SYNE2: variants seen among roughly 807,000 people sequenced by gnomAD.
The protein encoded by SYNE2 is spectrin repeat containing nuclear envelope protein 2, also known as nesprin-2.
Under a neutral mutation model 856.3 loss-of-function variants are expected in SYNE2, and 431 were observed. That is an observed-to-expected ratio of 0.50 (90% CI 0.47 to 0.55). The LOEUF (loss-of-function observed/expected upper bound fraction) is 0.55. Ranked by LOEUF, SYNE2 falls within the 20% of genes least tolerant of loss-of-function variation. SYNE2 has a pLI of 0.00. For missense variants in SYNE2, 8,129 were observed against 8,023.2 expected (o/e 1.01, Z -0.50); for synonymous variants, 2,923 against 2,872.3 (o/e 1.02, Z -0.56).
At chr14:63,882,724 AC>A (rs2094893706) in intron 1 of SYNE2, among the ~76,000 whole-genome samples, 1 of 152,186 alleles carries the variant, frequency 6.6e-6, no homozygotes, top group African/African-American at 2.4e-5. Context: ...AAACAAACAA[AC>A]AAAAACAAAA....
At chr14:64,022,126 G>C (rs950451444) in intron 37 of SYNE2, 98 bp downstream of exon 37, 5 of 1,150,898 alleles carry the variant, frequency 4.3e-6, no homozygotes, top group Non-Finnish European at 6.5e-6. Context: ...CTTAGAGATG[G>C]TTTGCACAGA....
intron 49 of SYNE2, among the ~76,000 whole-genome samples, chr14:64,056,915 A>G (rs552441949): frequency 2.9e-4 from 44 of 152,090 alleles, no homozygotes; most frequent in African/African-American, 8.9e-4. Context: ...TACTTTTACT[A>G]TGTGTTTGTG....
intron 1 of SYNE2, among the ~76,000 whole-genome samples, chr14:63,819,239 C>CTT (rs200434047): frequency 2.0e-5 from 3 of 150,754 alleles, no homozygotes; most frequent in African/African-American, 7.3e-5. Context: ...CTTTTCTTTT[C>CTT]TTTTTTTTTG....
intron 1 of SYNE2, among the ~76,000 whole-genome samples, chr14:63,859,898 CCTTTCTCTCTTTT>C (rs1292234898): frequency 1.3e-5 from 2 of 152,066 alleles, no homozygotes; most frequent in Admixed American, 6.6e-5. Context: ...TTTCCTCCCT[CCTTTCTCTCTTTT>C]CTTTCTCTCT....
chr14:64,004,224 C>T (rs1205909443), intron 30 of SYNE2, among the ~76,000 whole-genome samples: 1 of 142,476 alleles, frequency 7.0e-6, no homozygotes, highest in Non-Finnish European at 1.5e-5. Flanking sequence ...TTAGTAGAGA[C>T]GGGTTTTCAC....
chr14:64,116,564 T>C (rs1181719080), intron 66 of SYNE2, among the ~76,000 whole-genome samples: 2 of 152,140 alleles, frequency 1.3e-5, no homozygotes, highest in Non-Finnish European at 2.9e-5. Flanking sequence ...ATTACAGGCA[T>C]GCACCACAGC....
chr14:63,763,097 A>G (rs1886549516), intron 1 of SYNE2, among the ~76,000 whole-genome samples: 1 of 151,962 alleles, frequency 6.6e-6, no homozygotes. Flanking sequence ...CCTCTCCAGT[A>G]GCTGGGACTA....
At chr14:63,954,631 C>T (rs187906577) in intron 7 of SYNE2, 88 bp from the exon 8 acceptor site, 426 of 1,267,662 alleles carry the variant, frequency 3.4e-4, no homozygotes, top group Middle Eastern at 7.5e-4. Context: ...ACTTGATTTG[C>T]CAAATTTTAA....
chr14:64,021,782 AT>A, intron 36 of SYNE2, 74 bp from the exon 37 acceptor site: 1 of 1,507,480 alleles, frequency 6.6e-7, no homozygotes, highest in African/African-American at 1.4e-5. Context: ...TTACAAAACA[AT>A]TGAGATCTAA....
At position 63,990,518 on chromosome 14, in the gene SYNE2, T is replaced by A. The variant is rs370235494; in HGVS notation, c.2421T>A (p.Val807=). 3 of 1,613,814 alleles carry A rather than the reference T, an allele frequency of 1.9e-6. No homozygotes were observed. The highest frequency in any genetic ancestry group is 2.5e-6 in the Non-Finnish European group (3 of 1,179,944). Reference sequence around the variant, plus strand: ...CAAGCCAGGAGTCCTTTCAACATGTTCTCACAACTGGGCTTCAGGCAAAGA... The same window carrying A: ...CAAGCCAGGAGTCCTTTCAACATGTACTCACAACTGGGCTTCAGGCAAAGA... ...NISSQESFQH[V]LTTGLQAKIQ... is the part of the protein sequence containing the mutation. Residue 807 remains valine, a synonymous_variant, in exon 20 of 116, where the codon GTT becomes GTA. Coordinates refer to ENST00000555002, the MANE Select transcript of SYNE2 (RefSeq NM_182914.3).
chr14:64,209,039 C>T, intron 101 of SYNE2, 94 bp downstream of exon 101: 1 of 1,473,196 alleles, frequency 6.8e-7, no homozygotes, highest in Non-Finnish European at 9.2e-7. Flanking sequence ...CTGTTCATTT[C>T]ACTTAGAAAT....
In SYNE2 at chr14:64,190,143, A is replaced by G; in HGVS notation, c.17944A>G (p.Lys5982Glu). 1 of 1,614,114 alleles carries G rather than the reference A, an allele frequency of 6.2e-7. No individual in the cohort carries two copies. The highest frequency in any genetic ancestry group is 8.5e-7 in the Non-Finnish European group (1 of 1,180,008). Residue 5982 changes from lysine (K) to glutamate (E), a missense_variant, in exon 99 of 116, where the codon AAG becomes GAG. By Grantham distance (56) the Lys-to-Glu change is moderately conservative. Coordinates refer to ENST00000555002, the MANE Select transcript of SYNE2 (RefSeq NM_182914.3). The part of the protein sequence containing the change: ...QLKQMGDQLI[K>E]ASNKSRAAEI... ...AAAGCAGATGGGTGACCAGTTGATCAAGGCCAGCAACAAATCAAGAGCAGC... is the reference window on the plus strand; with the variant it reads ...AAAGCAGATGGGTGACCAGTTGATCGAGGCCAGCAACAAATCAAGAGCAGC...
Position 64,107,620 on chromosome 14 carries a change from T to TG in SYNE2, c.12609+15dup. The TG allele has an allele frequency of 6.2e-7, 1 of 1,603,852 alleles. No individual in the cohort carries two copies. The highest frequency in any genetic ancestry group is 8.5e-7 in the Non-Finnish European group (1 of 1,170,642). On this transcript the variant is annotated intron_variant, in intron 65 of 115. Transcript: ENST00000555002. ...CCAAACAGAAGAGGTAAGTCCTGGT[T>TG]GGTAATAAGTAAACTGCTCAGATAG...
intron 2 of SYNE2, among the ~76,000 whole-genome samples, chr14:63,914,189 G>A (rs1368944154): frequency 6.6e-6 from 1 of 152,156 alleles, no homozygotes; most frequent in Non-Finnish European, 1.5e-5. Flanking sequence ...GGTGGGAAAG[G>A]TGTGCCCAGG....
chr14:64,082,148 G>GC (rs1567238919), intron 57 of SYNE2, among the ~76,000 whole-genome samples: 1 of 151,964 alleles, frequency 6.6e-6, no homozygotes, highest in Admixed American at 6.5e-5. Context: ...ATTCTAAGAT[G>GC]CCCCCCAATA....
chr14:63,850,160 C>G (rs552325996), upstream of SYNE2, among the ~76,000 whole-genome samples: 1 of 148,740 alleles, frequency 6.7e-6, no homozygotes, highest in Admixed American at 6.8e-5. Context: ...CGGCTTACTG[C>G]AATCTCTGCC....
intron 103 of SYNE2, among the ~76,000 whole-genome samples, chr14:64,210,918 TCTGTCTCTCTCTCCCTTC>T (rs966422951): frequency 5.9e-5 from 9 of 152,244 alleles, no homozygotes; most frequent in Non-Finnish European, 1.0e-4. Context: ...TGCATTTCTT[TCTGTCTCTCTCTCCCTTC>T]CTGTCTCTCT....
intron 96 of SYNE2, among the ~76,000 whole-genome samples, chr14:64,182,171 G>GTCCAGTCAA (rs781111436): frequency 1.3e-5 from 2 of 152,156 alleles, no homozygotes; most frequent in Admixed American, 6.6e-5. Context: ...ATACTGCAGA[G>GTCCAGTCAA]TCCAGTCAAA....
Position 64,024,892 on chromosome 14 carries a change from CAT to C in SYNE2, c.5841-19_5841-18del. The C allele has an allele frequency of 6.2e-7, 1 of 1,613,346 alleles. No individual in the cohort carries two copies. Among genetic ancestry groups the C allele is most frequent in the Non-Finnish European group, 8.5e-7 (1 of 1,179,630 alleles). On this transcript the variant is annotated intron_variant, in intron 39 of 115. Transcript: ENST00000555002. Reference sequence around the variant, plus strand: ...ACTTTTTGCTTATTTTGTATTTAAACATGTGTAATGCTCTTTTAGACTCCAGG... The same window carrying C: ...ACTTTTTGCTTATTTTGTATTTAAACGTGTAATGCTCTTTTAGACTCCAGG...
Sources: allele counts gnomAD v4.1 joint callset (sites outside exome capture counted in the v4.1 genomes callset), GRCh38; gene constraint gnomAD v4.1.1; transcripts MANE v1.5; gene names NCBI Gene and HGNC (gene_info 2026-07-23, HGNC 2026-07-21).